WLS: variants seen among roughly 807,000 people sequenced by gnomAD.
The protein encoded by WLS is Wnt ligand secretion mediator, also known as protein wntless homolog.
Under a neutral mutation model 62.8 loss-of-function variants are expected in WLS, and 23 were observed. That is an observed-to-expected ratio of 0.37 (90% CI 0.26 to 0.52). The LOEUF (loss-of-function observed/expected upper bound fraction) is 0.52, where lower values mean the gene tolerates loss of function less well. Ranked by LOEUF, WLS falls within the 20% of genes least tolerant of loss-of-function variation. WLS has a pLI of 0.92. For synonymous variants in WLS, 246 were observed against 244.1 expected (o/e 1.01, Z -0.07); for missense variants, 615 against 697.3 (o/e 0.88, Z 1.33).
At chr1:68,139,914 A>G (rs969449148) in intron 10 of WLS, among the ~76,000 whole-genome samples, 3 of 152,242 alleles carry the variant, frequency 2.0e-5, no homozygotes, top group African/African-American at 7.2e-5. Context: ...TTGAATTTAA[A>G]AGTGAGAGGA....
intron 1 of WLS, chr1:68,228,234 A>C: frequency 4.5e-6 from 2 of 447,028 alleles, no homozygotes; most frequent in Non-Finnish European, 8.9e-6. Context: ...TTATGTTTGG[A>C]ATAGTCTCAT....
Position 68,194,158 on chromosome 1 carries a change from T to C in WLS, c.176A>G (p.Lys59Arg), listed in dbSNP as rs777581379. 1.9e-6 allele frequency: 3 copies of C among 1,614,232 alleles called. No individual in the cohort carries two copies. The highest frequency in any genetic ancestry group is 2.5e-6 in the Non-Finnish European group (3 of 1,180,044). ...TCCCCAAGGCACGAACCATTTTGTC[T>C]TGTGATGGTTCTTACGGGCATCCAC... ...KCVDARKNHHKTKWFVPWGPN... is the reference protein window; with the variant it reads ...KCVDARKNHHRTKWFVPWGPN... The change falls in exon 2 of 12, where the codon AAG (lysine) becomes AGG (arginine). Residue 59 changes from lysine (K) to arginine (R), a missense_variant. Coordinates refer to ENST00000262348, the MANE Select transcript of WLS (RefSeq NM_024911.7).
downstream of WLS, chr1:68,098,460 A>G: frequency 9.7e-7 from 1 of 1,032,496 alleles, no homozygotes; most frequent in Non-Finnish European, 1.3e-6. Flanking sequence ...ATATGGATGT[A>G]AGAGAAGTAA....
At chr1:68,208,477 A>G (rs1172777415) in intron 1 of WLS, among the ~76,000 whole-genome samples, 1 of 152,192 alleles carries the variant, frequency 6.6e-6, no homozygotes, top group Non-Finnish European at 1.5e-5. Context: ...GGGGCGGTTT[A>G]CCAGCGGGAG....
intron 11 of WLS, among the ~76,000 whole-genome samples, chr1:68,115,663 GTTGC>G (rs1479661764): frequency 6.6e-6 from 1 of 152,132 alleles, no homozygotes; most frequent in African/African-American, 2.4e-5. Context: ...TACTCTTGTT[GTTGC>G]TTGGACATTT....
intron 3 of WLS, among the ~76,000 whole-genome samples, chr1:68,156,170 G>C (rs1008741714): frequency 4.6e-5 from 7 of 152,160 alleles, no homozygotes; most frequent in Non-Finnish European, 8.8e-5. Flanking sequence ...AGAGGCATGA[G>C]CTTCAGCAGG....
chr1:68,169,387 G>A (rs962102293), intron 2 of WLS, among the ~76,000 whole-genome samples: 65 of 152,072 alleles, frequency 4.3e-4, no homozygotes, highest in African/African-American at 1.4e-3. Context: ...AAGTACCACC[G>A]AATATAGAAA....
At chr1:68,098,616 G>A (rs373545096) in exon 12 of WLS, 16 of 1,612,818 alleles carry the variant, frequency 9.9e-6, no homozygotes, top group Middle Eastern at 1.6e-4. Context: ...TGATAAACAT[G>A]TGTTGCCTTG....
intron 2 of WLS, among the ~76,000 whole-genome samples, chr1:68,171,857 T>C (rs1647158898): frequency 6.6e-6 from 1 of 152,310 alleles, no homozygotes; most frequent in Non-Finnish European, 1.5e-5. Context: ...TAAAGACACA[T>C]GCACACGTAT....
intron 1 of WLS, chr1:68,202,170 G>A (rs1571006332): frequency 1.3e-5 from 2 of 152,216 alleles, no homozygotes; most frequent in East Asian, 3.8e-4. Context: ...AAATTAAAGT[G>A]CTTTGGGACA....
chr1:68,125,270 A>ATAAAG (rs1217529803), downstream of WLS: 3 of 940,810 alleles, frequency 3.2e-6, no homozygotes, highest in South Asian at 4.9e-5. Flanking sequence ...TGATTTGATG[A>ATAAAG]TAAAGTATAT....
At chr1:68,171,891 T>C (rs1647159506) in intron 2 of WLS, among the ~76,000 whole-genome samples, 1 of 152,164 alleles carries the variant, frequency 6.6e-6, no homozygotes, top group Non-Finnish European at 1.5e-5. Flanking sequence ...CTATTCACAA[T>C]AGCAAAGACT....
rs369579939 is a variant in WLS, at chr1:68,150,233, C to T, written c.927G>A (p.Ala309=). 27 of 1,614,178 alleles carry T rather than the reference C, an allele frequency of 1.7e-5. No individual in the cohort carries two copies. The East Asian group carries it at 2.2e-4, about 13-fold the overall frequency. ...AGATGATCCAGAAGGACAGAAGCAT[C>T]GCATAGAAGATGCCCTGTCGGATGT... The part of the protein sequence containing the change: ...FGDIRQGIFY[A]MLLSFWIIFC... Residue 309 remains alanine (A), a synonymous_variant, in exon 6 of 12, where the codon GCG becomes GCA. Transcript: ENST00000262348.
At chr1:68,156,997 C>G (rs915106640) in intron 3 of WLS, among the ~76,000 whole-genome samples, 2 of 152,180 alleles carry the variant, frequency 1.3e-5, no homozygotes, top group African/African-American at 4.8e-5. Context: ...GGGAACAAAA[C>G]CTACTTAGTC....
chr1:68,120,694 CTGTG>C (rs746624063), downstream of WLS, among the ~76,000 whole-genome samples: 2 of 150,704 alleles, frequency 1.3e-5, no homozygotes, highest in Non-Finnish European at 3.0e-5. Flanking sequence ...CTGTTAAGTT[CTGTG>C]TGTGTGTGTG....
At chr1:68,111,674 G>A (rs1646230691) in intron 11 of WLS, among the ~76,000 whole-genome samples, 1 of 152,142 alleles carries the variant, frequency 6.6e-6, no homozygotes, top group South Asian at 2.1e-4. Flanking sequence ...ACACATACAT[G>A]ATGTTTGCTG....
chr1:68,144,522 G>A lies in WLS; in HGVS notation c.1362+47C>T, dbSNP rs758996907. ...ATTGAATTTCTGTGCAGGGTAGAGG[G>A]ATCTCTGCAGAGACATTCTCACCTT... On this transcript the variant is annotated intron_variant, in intron 10 of 11. Transcript: ENST00000262348. 18 of 1,551,238 alleles carry A rather than the reference G, an allele frequency of 1.2e-5. No individual in the cohort carries two copies. The South Asian group carries it at 1.9e-4, about 16-fold the overall frequency.
rs564652432 is a variant in WLS, at chr1:68,117,938, C to G, written c.1511-19185G>C. On this transcript the variant is annotated intron_variant, in intron 11 of 11. Transcript: ENST00000354777. ...CTGGAAAAAATATTTAATTGGTCTT[C>G]CAGCTGGGAAACAAATTCTATATGA... 9.2e-5 allele frequency among the ~76,000 whole-genome samples: 14 copies of G among 151,840 alleles called. No homozygotes were observed. The South Asian group carries it at 2.5e-3, about 27-fold the overall frequency.
chr1:68,159,380 C>A, intron 2 of WLS, 133 bp from the exon 3 acceptor site: 1 of 1,200,898 alleles, frequency 8.3e-7, no homozygotes, highest in Non-Finnish European at 1.1e-6. Context: ...TATCAAACTC[C>A]AAACCTGAAG....
Sources: allele counts gnomAD v4.1 joint callset (sites outside exome capture counted in the v4.1 genomes callset), GRCh38; gene constraint gnomAD v4.1.1; transcripts MANE v1.5; gene names NCBI Gene and HGNC (gene_info 2026-07-23, HGNC 2026-07-21).